The following DPP6 variants were observed in gnomAD, a reference collection of about 807,000 sequenced individuals.
DPP6 encodes the protein A-type potassium channel modulatory protein DPP6.
A neutral mutation model predicts 122.6 loss-of-function variants in DPP6; 69 were observed. That is an observed-to-expected ratio of 0.56 (90% CI 0.46 to 0.69). The LOEUF (loss-of-function observed/expected upper bound fraction) is 0.69, where lower values mean the gene tolerates loss of function less well. Among genes scored for constraint, DPP6 ranks in the 30% least tolerant of loss-of-function variants. DPP6 has a pLI of 0.00. For synonymous variants in DPP6, 418 were observed against 433.1 expected (o/e 0.97, Z 0.43); for missense variants, 928 against 1,116.9 (o/e 0.83, Z 2.41).
the DPP6 span, among the ~76,000 whole-genome samples, chr7:153,849,192 T>G: frequency 2.0e-5 from 3 of 152,196 alleles, no homozygotes; most frequent in African/African-American, 7.2e-5. Context: ...TGACTTGATG[T>G]TTTATAGGCC....
chr7:154,232,974 G>A (rs1801001355), intron 1 of DPP6, among the ~76,000 whole-genome samples: 2 of 152,306 alleles, frequency 1.3e-5, no homozygotes, highest in South Asian at 4.1e-4. Context: ...TTATATCACA[G>A]ATTACAGATT....
chr7:154,212,617 C>A (rs1799800936), intron 1 of DPP6, among the ~76,000 whole-genome samples: 1 of 152,024 alleles, frequency 6.6e-6, no homozygotes, highest in African/African-American at 2.4e-5. Context: ...TCTCGGAGCT[C>A]AATCAATCAG....
At chr7:154,480,520 T>A (rs1823172423) in intron 3 of DPP6, among the ~76,000 whole-genome samples, 1 of 152,220 alleles carries the variant, frequency 6.6e-6, no homozygotes, top group Non-Finnish European at 1.5e-5. Context: ...TGTCAGCTCA[T>A]GGGCATCTCC....
intron 1 of DPP6, among the ~76,000 whole-genome samples, chr7:154,129,920 A>AAAAAG (rs1563228916): frequency 6.6e-6 from 1 of 151,078 alleles, no homozygotes; most frequent in African/African-American, 2.4e-5. Context: ...AAAGAAAAAG[A>AAAAAG]AAAAAATTAG....
the DPP6 span, among the ~76,000 whole-genome samples, chr7:153,817,737 T>A: frequency 1.3e-4 from 14 of 107,090 alleles, no homozygotes; most frequent in Non-Finnish European, 1.6e-4. Flanking sequence ...GGACACAGGG[T>A]GGGGAACATC....
chr7:154,007,695 A>C (rs71265440), intron 1 of DPP6, among the ~76,000 whole-genome samples: 24,087 of 150,162 alleles, frequency 0.16, 2,107 homozygotes, highest in African/African-American at 0.29. Flanking sequence ...TCAATAGCTT[A>C]ACCAAAGAAT....
chr7:154,157,715 C>T (rs980156333), intron 1 of DPP6, among the ~76,000 whole-genome samples: 16 of 152,184 alleles, frequency 1.1e-4, no homozygotes, highest in African/African-American at 2.2e-4. Flanking sequence ...AGGCGAATCA[C>T]CTGAGGTCGG....
intron 16 of DPP6, among the ~76,000 whole-genome samples, chr7:154,818,881 C>CA (rs1799585780): frequency 6.6e-6 from 1 of 152,170 alleles, no homozygotes; most frequent in Admixed American, 6.5e-5. Flanking sequence ...ATGTAAGTGA[C>CA]ATGAATACTC....
At chr7:154,188,321 A>G (rs1255109264) in intron 1 of DPP6, among the ~76,000 whole-genome samples, 2 of 152,130 alleles carry the variant, frequency 1.3e-5, no homozygotes, top group Admixed American at 6.5e-5. Flanking sequence ...TTCCCCCCCA[A>G]ATATATTTGT....
chr7:154,804,136 G>A (rs1040377015), intron 14 of DPP6, among the ~76,000 whole-genome samples, 181 bp downstream of exon 14: 3 of 152,186 alleles, frequency 2.0e-5, no homozygotes, highest in African/African-American at 2.4e-5. Context: ...CCAACAGTCC[G>A]ACTTCCAGAG....
At chr7:154,023,324 A>G (rs28442120) in intron 1 of DPP6, among the ~76,000 whole-genome samples, 90 of 114,684 alleles carry the variant, frequency 7.8e-4, no homozygotes, top group South Asian at 2.8e-3. Flanking sequence ...GTCTGCACAC[A>G]CACACACACA....
At chr7:153,796,654 T>A in the DPP6 span, among the ~76,000 whole-genome samples, 1 of 152,206 alleles carries the variant, frequency 6.6e-6, no homozygotes. Context: ...AAAGGCCACA[T>A]GTTACCAACC....
At chr7:154,808,030 A>G (rs1798809078) in intron 16 of DPP6, among the ~76,000 whole-genome samples, 1 of 152,202 alleles carries the variant, frequency 6.6e-6, no homozygotes, top group Admixed American at 6.5e-5. Context: ...ATATGATATG[A>G]ACCCATGGAA....
intron 1 of DPP6, among the ~76,000 whole-genome samples, chr7:153,966,633 A>G (rs1266979228): frequency 1.4e-5 from 2 of 138,974 alleles, no homozygotes. Context: ...TTTAATTTTT[A>G]CAGTATATGT....
At chr7:154,490,460 T>G (rs944906988) in intron 3 of DPP6, among the ~76,000 whole-genome samples, 1 of 152,168 alleles carries the variant, frequency 6.6e-6, no homozygotes, top group East Asian at 1.9e-4. Flanking sequence ...AGGATGAGTT[T>G]GTCAGCAGTG....
At chr7:154,366,122 C>G (rs1372918108) in intron 1 of DPP6, among the ~76,000 whole-genome samples, 1 of 152,082 alleles carries the variant, frequency 6.6e-6, no homozygotes, top group Non-Finnish European at 1.5e-5. Context: ...GAGCCTGGCT[C>G]TGAGCAAAAT....
At chr7:154,066,225 A>G (rs1802715829) in intron 1 of DPP6, among the ~76,000 whole-genome samples, 1 of 151,808 alleles carries the variant, frequency 6.6e-6, no homozygotes, top group African/African-American at 2.4e-5. Context: ...ATGCCTGGCT[A>G]ATTTTTGTAT....
chr7:154,024,096 T>C (rs1256331022), intron 1 of DPP6, among the ~76,000 whole-genome samples: 2 of 152,140 alleles, frequency 1.3e-5, no homozygotes, highest in African/African-American at 4.8e-5. Flanking sequence ...ATAATTTCCT[T>C]CTCAGCTGTA....
chr7:154,262,729 GT>G, intron 1 of DPP6, among the ~76,000 whole-genome samples: 1 of 151,720 alleles, frequency 6.6e-6, no homozygotes, highest in Middle Eastern at 3.5e-3. Context: ...AAATCATTTT[GT>G]TGGGGATAAA....
Sources: gnomAD v4.1 joint callset for allele counts (sites outside exome capture counted in the v4.1 genomes callset) on GRCh38, gnomAD v4.1.1 for gene constraint, MANE v1.5 for transcripts, NCBI Gene and HGNC (gene_info 2026-07-23, HGNC 2026-07-21) for gene names.